Variants in TP63 observed in about 807,000 individuals in gnomAD.
TP63 encodes tumor protein p63.
In TP63, 17 loss-of-function variants were observed where a neutral mutation model predicts 82.8. The ratio of observed to expected loss-of-function variants is 0.21; its 90% CI spans 0.14 to 0.31. TP63 has a LOEUF of 0.31. TP63 is among the 10% of genes least tolerant of loss of function. TP63 has a pLI of 1.00. For synonymous variants in TP63, 330 were observed against 321.7 expected, an observed-to-expected ratio of 1.03 and a Z score of -0.28; for missense variants, 648 against 895.3, an observed-to-expected ratio of 0.72 and a Z score of 3.52.
Position 189,804,729 on chromosome 3 carries a change from G to T in TP63, c.325-3543G>T, listed in dbSNP as rs116125417. ...ATGTAAATGGATTTCCAGTCATTCA[G>T]TTCTGACTTTGGTGGGTTTGTTGTT... On this transcript the variant is annotated intron_variant, in intron 3 of 13. Transcript: ENST00000264731. Among the ~76,000 whole-genome samples, 1,004 of 152,276 alleles carry T rather than the reference G, an allele frequency of 6.6e-3. 8 individuals carry two copies. Among genetic ancestry groups the T allele is most frequent in the African/African-American group, 0.023 (962 of 41,554 alleles).
At chr3:189,871,758 G>A (rs897919097) in intron 9 of TP63, among the ~76,000 whole-genome samples, 8 of 152,118 alleles carry the variant, frequency 5.3e-5, no homozygotes, top group African/African-American at 1.9e-4. Context: ...ATCTCACTTT[G>A]TTGCCCAGGT....
At chr3:189,631,091 A>G (rs1234054887), upstream of TP63, among the ~76,000 whole-genome samples, 2 of 152,154 alleles carry the variant, frequency 1.3e-5, no homozygotes, top group East Asian at 3.9e-4. Context: ...GTTCAGTTAC[A>G]AAAGTCCAGG....
At chr3:189,816,033 A>G (rs1728149554) in intron 4 of TP63, among the ~76,000 whole-genome samples, 1 of 152,208 alleles carries the variant, frequency 6.6e-6, no homozygotes, top group African/African-American at 2.4e-5. Context: ...TCCTGTGCTT[A>G]TCATTAGAGA....
chr3:189,773,842 T>C (rs1723557234), intron 3 of TP63, among the ~76,000 whole-genome samples: 1 of 151,754 alleles, frequency 6.6e-6, no homozygotes. Flanking sequence ...TCCATCATTA[T>C]AATATGCAAG....
chr3:189,667,640 A>G (rs1385755166), intron 1 of TP63, among the ~76,000 whole-genome samples: 1 of 152,058 alleles, frequency 6.6e-6, no homozygotes, highest in Non-Finnish European at 1.5e-5. Context: ...AATAAGTACT[A>G]AAGACTTGAG....
intron 4 of TP63, among the ~76,000 whole-genome samples, chr3:189,834,413 T>C (rs1712817920): frequency 6.6e-6 from 1 of 152,194 alleles, no homozygotes; most frequent in Non-Finnish European, 1.5e-5. Context: ...CATAGATTCT[T>C]ATGCTTATGC....
intron 4 of TP63, among the ~76,000 whole-genome samples, chr3:189,859,160 G>A (rs1057436858): frequency 3.3e-5 from 5 of 152,062 alleles, no homozygotes; most frequent in Non-Finnish European, 5.9e-5. Context: ...TGTTTAAGGC[G>A]ATGGATATAC....
intron 1 of TP63, among the ~76,000 whole-genome samples, chr3:189,695,717 C>T (rs889758142): frequency 4.6e-5 from 7 of 152,118 alleles, no homozygotes; most frequent in Non-Finnish European, 8.8e-5. Context: ...TTTTCTGTAT[C>T]CTCCCACACT....
At chr3:189,715,592 C>T (rs1364186350) in intron 1 of TP63, among the ~76,000 whole-genome samples, 1 of 152,124 alleles carries the variant, frequency 6.6e-6, no homozygotes, top group Non-Finnish European at 1.5e-5. Context: ...AATAAGGTCA[C>T]GGGTTGTGAG....
rs576464317 is a variant in TP63 at position 189,800,707 on chromosome 3, TATAAAACATGG to T, written c.325-7550_325-7540del. 1.6e-4 allele frequency among the ~76,000 whole-genome samples: 24 copies of T among 152,206 alleles called. No individual in the cohort carries two copies. The South Asian group carries it at 5.0e-3, about 32-fold the overall frequency. On this transcript the variant is annotated intron_variant, in intron 3 of 13. Coordinates refer to ENST00000264731, the MANE Select transcript of TP63 (RefSeq NM_003722.5). Reference sequence around the variant, plus strand: ...CTTGTGGAGCTTCAGTTTCCTCATCTATAAAACATGGATAAAACATGGATATTAATGCCATG... The same window carrying T: ...CTTGTGGAGCTTCAGTTTCCTCATCTATAAAACATGGATATTAATGCCATG...
At chr3:189,886,671 CA>C in intron 11 of TP63, 120 bp downstream of exon 11, 1 of 1,420,752 alleles carries the variant, frequency 7.0e-7, no homozygotes, top group Middle Eastern at 2.3e-4. Context: ...CAGATCAGAT[CA>C]AAGTGGAGTG....
chr3:189,729,011 T>C (rs1719969229), intron 1 of TP63, among the ~76,000 whole-genome samples: 1 of 151,292 alleles, frequency 6.6e-6, no homozygotes, highest in Admixed American at 6.6e-5. Flanking sequence ...TTGTCAAGGA[T>C]GCAGGGTTAA....
chr3:189,604,006 G>T, the TP63 span, among the ~76,000 whole-genome samples: 1 of 151,844 alleles, frequency 6.6e-6, no homozygotes, highest in Non-Finnish European at 1.5e-5. Context: ...GAATAAATGG[G>T]TAAATAGAAC....
intron 1 of TP63, among the ~76,000 whole-genome samples, chr3:189,717,777 T>C (rs1486832063): frequency 2.0e-5 from 3 of 152,170 alleles, no homozygotes; most frequent in Admixed American, 6.5e-5. Context: ...CTTTGTGTTC[T>C]TTTTTTCTTT....
At chr3:189,682,374 A>G (rs1715989412) in intron 1 of TP63, among the ~76,000 whole-genome samples, 1 of 146,998 alleles carries the variant, frequency 6.8e-6, no homozygotes, top group Non-Finnish European at 1.5e-5. Context: ...TTTAATTACT[A>G]CTTAGTGTTG....
the TP63 span, among the ~76,000 whole-genome samples, chr3:189,610,021 C>T: frequency 3.9e-5 from 6 of 152,184 alleles, no homozygotes; most frequent in East Asian, 1.2e-3. Context: ...TCCCTTTTCT[C>T]AGCAATCTCA....
Position 189,742,789 on chromosome 3 carries a change from A to G in TP63, c.324+4015A>G, listed in dbSNP as rs578001945. 1.2e-4 allele frequency among the ~76,000 whole-genome samples: 19 copies of G among 152,346 alleles called. No individual in the cohort carries two copies. The Middle Eastern group carries it at 0.014, about 109-fold the overall frequency. ...AGAAAAGGCAAATGTGTGTAAAATT[A>G]TCTATGAAAAGTAGTTAGATATATG... On this transcript the variant is annotated intron_variant, in intron 3 of 13. Transcript: ENST00000264731.
In TP63 at chr3:189,755,983, G is replaced by A. The variant is rs77589095; in HGVS notation, c.324+17209G>A. Among the ~76,000 whole-genome samples, 422 of 152,266 alleles carry A rather than the reference G, an allele frequency of 2.8e-3. 3 individuals are homozygous for A. Among genetic ancestry groups the A allele is most frequent in the African/African-American group, 9.8e-3 (406 of 41,560 alleles). On this transcript the variant is annotated intron_variant, in intron 3 of 13. Transcript: ENST00000264731. The stretch of plus-strand genomic sequence containing the variant: ...ATCTTGAAGAATGGAGTATCCAGGA[G>A]TGGGGTGAGCAGACCTAGCTGGGAT...
chr3:189,715,945 T>A (rs1718926356), intron 1 of TP63, among the ~76,000 whole-genome samples: 1 of 152,226 alleles, frequency 6.6e-6, no homozygotes, highest in Non-Finnish European at 1.5e-5. Flanking sequence ...TTTCAACCAC[T>A]TTAGCTTAGA....
Sources: gnomAD v4.1 joint callset for allele counts (sites outside exome capture counted in the v4.1 genomes callset) on GRCh38, gnomAD v4.1.1 for gene constraint, MANE v1.5 for transcripts, NCBI Gene and HGNC (gene_info 2026-07-23, HGNC 2026-07-21) for gene names.